The following CASZ1 variants were observed in gnomAD, a reference collection of about 807,000 sequenced individuals.
CASZ1 encodes zinc finger protein castor homolog 1.
A neutral mutation model predicts 135.2 loss-of-function variants in CASZ1; 28 were observed. The ratio of observed to expected loss-of-function variants is 0.21; its 90% CI spans 0.15 to 0.28. CASZ1 has a LOEUF of 0.28. CASZ1 is among the 10% of genes least tolerant of loss of function. CASZ1 has a pLI of 1.00. For missense variants in CASZ1, 2,161 were observed against 2,453.3 expected, an observed-to-expected ratio of 0.88 and a Z score of 2.52; for synonymous variants, 1,068 against 1,073.4, an observed-to-expected ratio of 0.99 and a Z score of 0.10.
At chr1:10,677,375 G>A (rs561672607) in intron 4 of CASZ1, among the ~76,000 whole-genome samples, 2 of 152,226 alleles carry the variant, frequency 1.3e-5, no homozygotes, top group African/African-American at 4.8e-5. Context: ...AGGGCAGGAG[G>A]GGACAGGGGC....
Position 10,665,528 on chromosome 1 carries a change from G to T in CASZ1, c.60C>A (p.Ala20=). ...RCTDPPAGKP[A]MAPKRKGGLK... ...GGCCACCCTTGCGTTTGGGCGCCAT[G>T]GCGGGCTTGCCTGCAGGCGGGTCCG... The change falls in exon 5 of 21, where the codon GCC becomes GCA. Residue 20 remains alanine (A), a synonymous_variant. Coordinates refer to ENST00000377022, the MANE Select transcript of CASZ1 (RefSeq NM_001079843.3). The T allele has an allele frequency of 6.3e-7, 1 of 1,595,212 alleles. No homozygotes were observed.
intron 6 of CASZ1, 32 bp from the exon 7 acceptor site, chr1:10,658,608 A>G: frequency 6.2e-7 from 1 of 1,600,706 alleles, no homozygotes; most frequent in Non-Finnish European, 8.6e-7. Flanking sequence ...ACAGCCGGTG[A>G]GCAGATGGGG....
rs1640230566 is a variant in CASZ1 at position 10,755,331 on chromosome 1, A to G, written c.-77+5370T>C. ...GGAGCTTGAAGGTCTACACGAGGAG[A>G]TGATGCAGTCAGGACTCCGGGACTC... is the stretch of plus-strand genomic sequence containing the variant. On this transcript the variant is annotated intron_variant, in intron 2 of 20. Coordinates refer to ENST00000377022, the MANE Select transcript of CASZ1 (RefSeq NM_001079843.3). The surrounding 1 kb of genome is among the most constrained non-coding windows in gnomAD (Gnocchi z 4.3). Among the ~76,000 whole-genome samples, 1 of 152,072 alleles carries G rather than the reference A, an allele frequency of 6.6e-6. No individual in the cohort carries two copies. The highest frequency in any genetic ancestry group is 1.5e-5 in the Non-Finnish European group (1 of 67,994).
At position 10,666,543 on chromosome 1, in the gene CASZ1, C is replaced by T. The variant is rs528769907; in HGVS notation, c.17-972G>A. The stretch of plus-strand genomic sequence containing the variant: ...AGCTCCAGCAGGTGCAGGGTGGGAT[C>T]GCTTAGGTCCCTCACGGAACGCCCC... On this transcript the variant is annotated intron_variant, in intron 4 of 20. Transcript: ENST00000377022. The surrounding 1 kb of genome is among the most constrained non-coding windows in gnomAD (Gnocchi z 5.2). Among the ~76,000 whole-genome samples, 3 of 152,178 alleles carry T rather than the reference C, an allele frequency of 2.0e-5. No individual in the cohort carries two copies. Among genetic ancestry groups the T allele is most frequent in the African/African-American group, 7.2e-5 (3 of 41,460 alleles).
intron 3 of CASZ1, among the ~76,000 whole-genome samples, chr1:10,695,509 G>A (rs1037526846): frequency 6.8e-6 from 1 of 146,918 alleles, no homozygotes; most frequent in African/African-American, 2.5e-5. Flanking sequence ...TAGGAAGGGC[G>A]CTCAGTAGAG....
chr1:10,780,755 C>T (rs1014404443), intron 1 of CASZ1, among the ~76,000 whole-genome samples: 15 of 152,170 alleles, frequency 9.9e-5, no homozygotes, highest in Admixed American at 2.0e-4. Flanking sequence ...AGAGTCAGAT[C>T]AACCAGCGTT....
In CASZ1 at chr1:10,665,401, C is replaced by T; in HGVS notation, c.187G>A (p.Asp63Asn). Residue 63 changes from aspartate to asparagine, a missense_variant, in exon 5 of 21, where the codon GAC becomes AAC. Transcript: ENST00000377022. The part of the protein sequence containing the change: ...HTEGSPSQPR[D>N]QERSGPESGA... The stretch of plus-strand genomic sequence containing the variant: ...GACTCAGGGCCACTGCGCTCTTGGT[C>T]CCGGGGCTGCGATGGGCTGCCCTCC... 1.2e-6 allele frequency: 2 copies of T among 1,612,886 alleles called. No homozygotes were observed. The highest frequency in any genetic ancestry group is 3.3e-5 in the Admixed American group (2 of 59,974).
At chr1:10,754,681 C>T (rs1041034554) in intron 2 of CASZ1, among the ~76,000 whole-genome samples, 7 of 152,210 alleles carry the variant, frequency 4.6e-5, no homozygotes, top group Non-Finnish European at 7.3e-5. Flanking sequence ...CTCCTCCCCG[C>T]AGCTGGGACC....
chr1:10,639,116 G>A lies in CASZ1; in HGVS notation c.5106C>T (p.Asp1702=). ...CGTCGTCCTCGTCGTCGTCCTCGTCGTCGTCGTCCTCGTCGTCGTCCTCGT... is the reference window on the plus strand; with the variant it reads ...CGTCGTCCTCGTCGTCGTCCTCGTCATCGTCGTCCTCGTCGTCGTCCTCGT... ...DEDEDDDEDD[D]DEDDDEDDDD... The change falls in exon 21 of 21, where the codon GAC becomes GAT. Residue 1702 remains aspartate, a synonymous_variant. Transcript: ENST00000377022. This position sits in a 1 kb window ranked among gnomAD's most constrained non-coding sequence, Gnocchi z 4.0. 1 of 1,154,722 alleles carries A rather than the reference G, an allele frequency of 8.7e-7. No homozygotes were observed. The highest frequency in any genetic ancestry group is 2.1e-5 in the South Asian group (1 of 47,984). 71.5% of individuals were successfully genotyped at this position (1,154,722 alleles called of 1,614,324 possible).
chr1:10,763,141 G>C (rs1640410349), intron 1 of CASZ1, among the ~76,000 whole-genome samples: 3 of 152,206 alleles, frequency 2.0e-5, no homozygotes, highest in African/African-American at 7.2e-5. Context: ...CAGGCCGCGG[G>C]GCCTTCCATA....
In CASZ1 at chr1:10,725,237, C is replaced by T. The variant is rs939249926; in HGVS notation, c.-76-19693G>A. On this transcript the variant is annotated intron_variant, in intron 2 of 20. Transcript: ENST00000377022. This position sits in a 1 kb window ranked among gnomAD's most constrained non-coding sequence, Gnocchi z 4.4. ...CAGCCCGGTGACCGTGGACACAGGG[C>T]GGCCAAGTAGGCTGGGTGCCAGGCG... Among the ~76,000 whole-genome samples, 3 of 152,228 alleles carry T rather than the reference C, an allele frequency of 2.0e-5. No individual in the cohort carries two copies. The highest frequency in any genetic ancestry group is 1.9e-4 in the East Asian group (1 of 5,192).
rs1480586758 is a variant in CASZ1, at chr1:10,706,278, G to A, written c.-76-734C>T. On this transcript the variant is annotated intron_variant, in intron 2 of 20. Coordinates refer to ENST00000377022, the MANE Select transcript of CASZ1 (RefSeq NM_001079843.3). The surrounding 1 kb of genome is among the most constrained non-coding windows in gnomAD (Gnocchi z 4.3). ...CCTCCTGCCCAGATAATGAGTTTGG[G>A]GAGCCAGGTTCAAAGGGGCAGCCTG... 6.6e-6 allele frequency among the ~76,000 whole-genome samples: 1 copy of A among 152,186 alleles called. No individual in the cohort carries two copies. Among genetic ancestry groups the A allele is most frequent in the Non-Finnish European group, 1.5e-5 (1 of 68,034 alleles).
rs1313351139 is a variant in CASZ1 at position 10,741,386 on chromosome 1, G to T, written c.-77+19315C>A. 6.6e-6 allele frequency among the ~76,000 whole-genome samples: 1 copy of T among 152,174 alleles called. No individual in the cohort carries two copies. Among genetic ancestry groups the T allele is most frequent in the Non-Finnish European group, 1.5e-5 (1 of 68,044 alleles). On this transcript the variant is annotated intron_variant, in intron 2 of 20. Transcript: ENST00000377022. This position sits in a 1 kb window ranked among gnomAD's most constrained non-coding sequence, Gnocchi z 5.0. ...CACCAGCAGTTGTCCTGGGGGTGGG[G>T]GCGGCAGGGCACAGGGAGCAGACAC... is the stretch of plus-strand genomic sequence containing the variant.
intron 1 of CASZ1, among the ~76,000 whole-genome samples, chr1:10,789,988 T>C (rs1292700): frequency 6.6e-6 from 1 of 151,818 alleles, no homozygotes; most frequent in African/African-American, 2.4e-5. Flanking sequence ...GGGCCCGAGG[T>C]GGGGGTGCCC....
In CASZ1 at chr1:10,664,334, C is replaced by T. The variant is rs139019676; in HGVS notation, c.505+749G>A. 3.7e-3 allele frequency among the ~76,000 whole-genome samples: 563 copies of T among 152,102 alleles called. 5 individuals carry two copies. The highest frequency in any genetic ancestry group is 0.013 in the African/African-American group (540 of 41,516). Reference sequence around the variant, plus strand: ...CTGGCGACCCCCTTGCCTGCTGGAACCCCCGGCCCACCCTCCCCTGAGCAG... The same window carrying T: ...CTGGCGACCCCCTTGCCTGCTGGAATCCCCGGCCCACCCTCCCCTGAGCAG... On this transcript the variant is annotated intron_variant, in intron 5 of 20. Coordinates refer to ENST00000377022, the MANE Select transcript of CASZ1 (RefSeq NM_001079843.3).
Position 10,645,070 on chromosome 1 carries a change from G to A in CASZ1, c.3715C>T (p.Arg1239Cys), listed in dbSNP as rs1327273694. ...GTGCGGAGGCAGTGGTAGTGCCCACGCATTCGGAACTCGCAGTGCTGCAGG... is the reference window on the plus strand; with the variant it reads ...GTGCGGAGGCAGTGGTAGTGCCCACACATTCGGAACTCGCAGTGCTGCAGG... ...CPNQHCEFRM[R>C]GHYHCLRTGC... Residue 1239 changes from arginine to cysteine, a missense_variant, in exon 18 of 21, where the codon CGT (arginine) becomes TGT (cysteine). Coordinates refer to ENST00000377022, the MANE Select transcript of CASZ1 (RefSeq NM_001079843.3). 8.1e-6 allele frequency: 13 copies of A among 1,613,868 alleles called. No individual in the cohort carries two copies. The highest frequency in any genetic ancestry group is 1.3e-5 in the African/African-American group (1 of 75,066).
At chr1:10,736,573 A>C (rs925916108) in intron 2 of CASZ1, among the ~76,000 whole-genome samples, 4 of 152,222 alleles carry the variant, frequency 2.6e-5, no homozygotes, top group African/African-American at 9.6e-5. Context: ...AGATGAGTAC[A>C]TGGAGTCCAG....
chr1:10,732,936 TC>T (rs1018837290), intron 2 of CASZ1, among the ~76,000 whole-genome samples: 53 of 152,098 alleles, frequency 3.5e-4, no homozygotes, highest in African/African-American at 1.2e-3. Context: ...TTAATTATCT[TC>T]CCCCACTGGT....
At chr1:10,792,446 A>G (rs114873631) in intron 1 of CASZ1, among the ~76,000 whole-genome samples, 2,001 of 150,188 alleles carry the variant, frequency 0.013, 40 homozygotes, top group East Asian at 0.049. Flanking sequence ...TCTATGGAAG[A>G]ACATTCACTC....
Sources: allele counts gnomAD v4.1 joint callset (sites outside exome capture counted in the v4.1 genomes callset), GRCh38; gene constraint gnomAD v4.1.1; non-coding constraint Gnocchi (gnomAD v3.1); transcripts MANE v1.5; gene names NCBI Gene and HGNC (gene_info 2026-07-23, HGNC 2026-07-21).